VRK2: variants seen among roughly 807,000 people sequenced by gnomAD.
The protein encoded by VRK2 is VRK serine/threonine kinase 2, also known as serine/threonine-protein kinase VRK2.
In VRK2, 60 loss-of-function variants were observed where a neutral mutation model predicts 57.6. That is an observed-to-expected ratio of 1.04 (90% CI 0.85 to 1.29). The LOEUF is 1.29. Among genes scored for constraint, VRK2 ranks in the 50% most tolerant of loss-of-function variants. VRK2 has a pLI of 0.00. For synonymous variants in VRK2, 231 were observed against 199.2 expected (o/e 1.16, Z -1.35); for missense variants, 705 against 588.1 (o/e 1.20, Z -2.06).
intron 1 of VRK2, among the ~76,000 whole-genome samples, chr2:58,012,038 T>C (rs1518402): frequency 0.024 from 3,704 of 152,218 alleles, 146 homozygotes; most frequent in African/African-American, 0.085. Context: ...CTCCAAAATA[T>C]ATTTCTTTGG....
chr2:57,938,128 C>A (rs376020696), intron 1 of VRK2, among the ~76,000 whole-genome samples: 1 of 152,098 alleles, frequency 6.6e-6, no homozygotes. Flanking sequence ...CTGCACCTGG[C>A]CTTATTGTTT....
chr2:58,151,748 T>C (rs1683092853), intron 12 of VRK2, among the ~76,000 whole-genome samples: 3 of 117,344 alleles, frequency 2.6e-5, no homozygotes, highest in South Asian at 3.1e-4. Context: ...TTTTTTTTTT[T>C]TTTTTTTTTT....
chr2:58,132,825 A>T (rs955234854), intron 9 of VRK2, among the ~76,000 whole-genome samples: 1 of 152,198 alleles, frequency 6.6e-6, no homozygotes, highest in Admixed American at 6.5e-5. Flanking sequence ...TACATTTGTA[A>T]ATACTGACAT....
intron 7 of VRK2, among the ~76,000 whole-genome samples, chr2:58,109,671 G>T (rs888814104): frequency 6.6e-6 from 1 of 152,166 alleles, no homozygotes; most frequent in African/African-American, 2.4e-5. Flanking sequence ...CAGCATGCGG[G>T]AACCGCCCCC....
At chr2:58,075,503 G>A (rs548355823) in intron 2 of VRK2, among the ~76,000 whole-genome samples, 5 of 152,236 alleles carry the variant, frequency 3.3e-5, no homozygotes, top group African/African-American at 1.2e-4. Context: ...ATTCCCACCA[G>A]CAGTGTATAA....
chr2:58,149,076 G>C (rs150868712), intron 12 of VRK2, among the ~76,000 whole-genome samples: 1 of 151,850 alleles, frequency 6.6e-6, no homozygotes, highest in African/African-American at 2.4e-5. Flanking sequence ...GTAAAGATGA[G>C]TTTATGGAGA....
chr2:57,911,499 T>C (rs763564069), intron 1 of VRK2, among the ~76,000 whole-genome samples: 1 of 151,984 alleles, frequency 6.6e-6, no homozygotes, highest in African/African-American at 2.4e-5. Flanking sequence ...TTGTAAGGAG[T>C]TGCTTGGCCC....
intron 1 of VRK2, among the ~76,000 whole-genome samples, chr2:57,946,695 A>T (rs1159592037): frequency 1.3e-5 from 2 of 152,164 alleles, no homozygotes; most frequent in African/African-American, 4.8e-5. Flanking sequence ...ATTATTATAG[A>T]CTTGATAAAA....
chr2:58,127,525 T>C (rs1678552581), intron 8 of VRK2, among the ~76,000 whole-genome samples: 1 of 152,184 alleles, frequency 6.6e-6, no homozygotes, highest in Non-Finnish European at 1.5e-5. Context: ...GATATCCTTT[T>C]TGAAATTGCA....
At chr2:57,936,922 C>T (rs991412432) in intron 1 of VRK2, among the ~76,000 whole-genome samples, 2 of 152,152 alleles carry the variant, frequency 1.3e-5, no homozygotes, top group African/African-American at 2.4e-5. Flanking sequence ...CTCCAGATAC[C>T]GCATCCTATT....
chr2:58,094,867 T>C (rs1344537943), intron 7 of VRK2, among the ~76,000 whole-genome samples: 1 of 152,228 alleles, frequency 6.6e-6, no homozygotes, highest in Non-Finnish European at 1.5e-5. Context: ...TAAATACTTT[T>C]GCATTAATTT....
At chr2:58,116,123 A>C (rs529522196) in intron 7 of VRK2, among the ~76,000 whole-genome samples, 3 of 152,276 alleles carry the variant, frequency 2.0e-5, no homozygotes, top group South Asian at 2.1e-4. Context: ...GGCGAGTGAT[A>C]ACAGGCTTTA....
chr2:58,100,724 A>G (rs902383985), intron 7 of VRK2, among the ~76,000 whole-genome samples: 1 of 151,752 alleles, frequency 6.6e-6, no homozygotes, highest in East Asian at 1.9e-4. Flanking sequence ...TTGAACTTTG[A>G]TAATTTGCTA....
At chr2:58,009,357 A>G (rs961403966) in intron 1 of VRK2, among the ~76,000 whole-genome samples, 2 of 151,930 alleles carry the variant, frequency 1.3e-5, no homozygotes, top group Non-Finnish European at 2.9e-5. Context: ...CTCAAGGTGT[A>G]CCATGGAGCC....
In VRK2 at chr2:58,131,906, G is replaced by A. The variant is rs200483690; in HGVS notation, c.775G>A (p.Ala259Thr). 5.0e-5 allele frequency: 80 copies of A among 1,614,112 alleles called. 1 individual carries two copies. In the East Asian group the frequency reaches 1.6e-3, roughly 33 times the overall value. ...PWEQNLKDPV[A>T]VQTAKTNLLD... is the part of the protein sequence containing the mutation. ...GGAACAGAACCTGAAGGACCCTGTG[G>A]CTGTGCAGACTGCTAAAACAAAGTA... is the stretch of plus-strand genomic sequence containing the variant. Residue 259 changes from alanine (A) to threonine (T), a missense_variant, in exon 9 of 13, where the codon GCT becomes ACT. Physicochemically the swap from Ala to Thr is moderately conservative, Grantham distance 58 (BLOSUM62 0). Transcript: ENST00000340157.
At chr2:57,959,878 G>A (rs1208742382) in intron 1 of VRK2, among the ~76,000 whole-genome samples, 2 of 152,092 alleles carry the variant, frequency 1.3e-5, no homozygotes, top group Non-Finnish European at 2.9e-5. Flanking sequence ...GTCCTGAAGA[G>A]CAGGCAATAG....
intron 2 of VRK2, among the ~76,000 whole-genome samples, chr2:58,072,706 TGA>T (rs1669528076): frequency 2.6e-5 from 4 of 152,114 alleles, no homozygotes; most frequent in African/African-American, 9.6e-5. Flanking sequence ...TGAGAGATAT[TGA>T]TTTGTAGTTT....
intron 1 of VRK2, among the ~76,000 whole-genome samples, chr2:57,969,604 C>A (rs1386244831): frequency 6.6e-6 from 1 of 151,868 alleles, no homozygotes; most frequent in Non-Finnish European, 1.5e-5. Context: ...ATGAATTAAA[C>A]TTTATTTCAA....
intron 2 of VRK2, among the ~76,000 whole-genome samples, chr2:58,059,174 G>A (rs1403085878): frequency 1.3e-5 from 2 of 151,942 alleles, no homozygotes; most frequent in African/African-American, 4.8e-5. Context: ...GTTAGGCACT[G>A]GAACAATTAC....
Sources: gnomAD v4.1 joint callset for allele counts (sites outside exome capture counted in the v4.1 genomes callset) on GRCh38, gnomAD v4.1.1 for gene constraint, MANE v1.5 for transcripts, NCBI Gene and HGNC (gene_info 2026-07-23, HGNC 2026-07-21) for gene names.